Variants in CEP78 observed in about 807,000 individuals in gnomAD.
CEP78 encodes centrosomal protein 78, also known as centrosomal protein of 78 kDa.
Under a neutral mutation model 81.2 loss-of-function variants are expected in CEP78, and 76 were observed. The observed-to-expected ratio is 0.94, with a 90% CI of 0.78 to 1.13. CEP78 has a LOEUF of 1.13. Among genes scored for constraint, CEP78 ranks in the 50% most tolerant of loss-of-function variants. CEP78 has a pLI of 0.00. For synonymous variants in CEP78, 293 were observed against 301.4 expected, an observed-to-expected ratio of 0.97 and a Z score of 0.29; for missense variants, 918 against 846.8, an observed-to-expected ratio of 1.08 and a Z score of -1.04.
At chr9:78,269,815 A>T (rs1396899561) in intron 16 of CEP78, among the ~76,000 whole-genome samples, 1 of 152,210 alleles carries the variant, frequency 6.6e-6, no homozygotes, top group Admixed American at 6.5e-5. Context: ...AATTTTTTAG[A>T]CTAAGGACTT....
chr9:78,259,009 T>G (rs915242517), intron 11 of CEP78, among the ~76,000 whole-genome samples: 1 of 152,218 alleles, frequency 6.6e-6, no homozygotes, highest in Non-Finnish European at 1.5e-5. Flanking sequence ...TGAGGGTATA[T>G]GCACCAGAAA....
At position 78,240,506 on chromosome 9, in the gene CEP78, C is replaced by T; in HGVS notation, c.499+142C>T. 4.2e-6 allele frequency: 3 copies of T among 719,528 alleles called. No individual in the cohort carries two copies. In the South Asian group the frequency reaches 5.2e-5, roughly 12 times the overall value. 44.6% of individuals were successfully genotyped at this position (719,528 alleles called of 1,614,324 possible). ...AACCTTGGTCCAGTCTCAAGTCTAC[C>T]ATGAAAGCTTGGCATGCTGAATGTA... is the stretch of plus-strand genomic sequence containing the variant. On this transcript the variant is annotated intron_variant, in intron 3 of 16. Coordinates refer to ENST00000643273, the MANE Select transcript of CEP78 (RefSeq NM_001330691.3).
intron 11 of CEP78, among the ~76,000 whole-genome samples, chr9:78,259,563 T>G (rs985899283): frequency 3.9e-5 from 6 of 152,242 alleles, no homozygotes; most frequent in Non-Finnish European, 7.3e-5. Flanking sequence ...ACTTTCATTT[T>G]AAGCTCTTCT....
rs1229693199 is a variant in CEP78 at position 78,246,744 on chromosome 9, C to T, written c.854C>T (p.Thr285Ile). 1.9e-6 allele frequency: 3 copies of T among 1,609,758 alleles called. No homozygotes were observed. Among genetic ancestry groups the T allele is most frequent in the Admixed American group, 1.7e-5 (1 of 59,388 alleles). The change falls in exon 6 of 17, where the codon ACT becomes ATT. Residue 285 changes from threonine (T) to isoleucine (I), a missense_variant. By Grantham distance (89) the Thr-to-Ile change is moderately conservative. Transcript: ENST00000643273. The stretch of plus-strand genomic sequence containing the variant: ...CTAGAGGCCCTTGAAACCAATACAA[C>T]TCTGGTCGTTCTGGATATAAGAAAA... ...ALLEALETNTTLVVLDIRKNP... is the reference protein window; with the variant it reads ...ALLEALETNTILVVLDIRKNP...
At position 78,243,655 on chromosome 9, in the gene CEP78, T is replaced by G. The variant is rs1224209282; in HGVS notation, c.778+19T>G. 6.2e-7 allele frequency: 1 copy of G among 1,604,598 alleles called. No homozygotes were observed. Among genetic ancestry groups the G allele is most frequent in the African/African-American group, 1.3e-5 (1 of 74,606 alleles). On this transcript the variant is annotated intron_variant, in intron 5 of 16. Coordinates refer to ENST00000643273, the MANE Select transcript of CEP78 (RefSeq NM_001330691.3). ...CTGAGAGGTAAGTTAAATGAACTTGTAAGGTGGAAAATATTGAATTTTTTG... is the reference window on the plus strand; with the variant it reads ...CTGAGAGGTAAGTTAAATGAACTTGGAAGGTGGAAAATATTGAATTTTTTG...
At position 78,278,986 on chromosome 9, in the gene CEP78, T is replaced by G. The variant is rs1827855323; in HGVS notation, c.*8135T>G. On this transcript the variant is annotated 3_prime_UTR_variant, in exon 17 of 17. Coordinates refer to ENST00000643273, the MANE Select transcript of CEP78 (RefSeq NM_001330691.3). Reference sequence around the variant, plus strand: ...GCTGGCTGCTCACAAAGGCACATAGTGAGTGATAGGGGCTGAAAGGGCTCA... The same window carrying G: ...GCTGGCTGCTCACAAAGGCACATAGGGAGTGATAGGGGCTGAAAGGGCTCA... 6.6e-6 allele frequency: 1 copy of G among 150,426 alleles called. No homozygotes were observed. Among genetic ancestry groups the G allele is most frequent in the East Asian group, 1.9e-4 (1 of 5,142 alleles). The allele number at this position is 150,426 out of a possible 1,614,324, so 9.3% of individuals were successfully genotyped here.
rs1192379942 is a variant in CEP78 at position 78,240,205 on chromosome 9, G to C, written c.426+10G>C. 2.5e-6 allele frequency: 4 copies of C among 1,610,578 alleles called. No homozygotes were observed. In the Admixed American group the frequency reaches 6.7e-5, roughly 27 times the overall value. ...AACTATTCTAGCAAAGGTAAGCTTT[G>C]TCTCATTTGGCTTGTAGACATTTGA... On this transcript the variant is annotated intron_variant, in intron 2 of 16. Coordinates refer to ENST00000643273, the MANE Select transcript of CEP78 (RefSeq NM_001330691.3).
At chr9:78,270,644 A>G (rs894917506) in intron 16 of CEP78, among the ~76,000 whole-genome samples, 197 bp from the exon 17 acceptor site, 8 of 152,234 alleles carry the variant, frequency 5.3e-5, no homozygotes, top group African/African-American at 1.9e-4. Flanking sequence ...TTGCTTGCCC[A>G]TCCAGTTCTA....
chr9:78,246,741 C>T lies in CEP78; in HGVS notation c.851C>T (p.Thr284Ile), dbSNP rs377012729. The change falls in exon 6 of 17, where the codon ACA (threonine) becomes ATA (isoleucine). Residue 284 changes from threonine (T) to isoleucine (I), a missense_variant. Transcript: ENST00000643273. Reference sequence around the variant, plus strand: ...TTGCTAGAGGCCCTTGAAACCAATACAACTCTGGTCGTTCTGGATATAAGA... The same window carrying T: ...TTGCTAGAGGCCCTTGAAACCAATATAACTCTGGTCGTTCTGGATATAAGA... ...KALLEALETN[T>I]TLVVLDIRKN... 4 of 1,609,800 alleles carry T rather than the reference C, an allele frequency of 2.5e-6. No individual in the cohort carries two copies. The African/African-American group carries it at 5.4e-5, about 22-fold the overall frequency.
chr9:78,248,769 G>T lies in CEP78; in HGVS notation c.965G>T (p.Trp322Leu). 2.6e-6 allele frequency: 4 copies of T among 1,549,700 alleles called. No individual in the cohort carries two copies. The highest frequency in any genetic ancestry group is 2.3e-5 in the East Asian group (1 of 44,038). The change falls in exon 8 of 17, where the codon TGG (tryptophan) becomes TTG (leucine). Residue 322 changes from tryptophan to leucine, a missense_variant. By Grantham distance (61) the Trp-to-Leu change is moderately conservative. Transcript: ENST00000643273. ...TTATTCTGTCTCTTTTAGTACCAGT[G>T]GATAACTTCTCCATCAGTGAAGGAA... ...NGRSAKSEYQ[W>L]ITSPSVKEPS...
chr9:78,265,822 A>G (rs1318211804), intron 14 of CEP78, 37 bp from the exon 15 acceptor site: 3 of 1,065,876 alleles, frequency 2.8e-6, no homozygotes, highest in Non-Finnish European at 4.2e-6. Context: ...TCAATTTTCA[A>G]TTTTATAAAT....
intron 11 of CEP78, among the ~76,000 whole-genome samples, chr9:78,256,524 ATTTTTTTTTTTT>A (rs35059009): frequency 3.1e-4 from 24 of 76,670 alleles, no homozygotes; most frequent in Non-Finnish European, 3.2e-4. Flanking sequence ...CTGCTCCCTT[ATTTTTTTTTTTT>A]TTTTTTTTTT....
intron 4 of CEP78, 114 bp downstream of exon 4, chr9:78,241,913 T>C: frequency 1.8e-6 from 1 of 548,332 alleles, no homozygotes; most frequent in Non-Finnish European, 3.2e-6. Flanking sequence ...CATTGCAGTT[T>C]TAGTTTTGTT....
rs989453941 is a variant in CEP78 at position 78,278,927 on chromosome 9, CTT to C, written c.*8078_*8079del. 4 of 152,046 alleles carry C rather than the reference CTT, an allele frequency of 2.6e-5. No homozygotes were observed. Among genetic ancestry groups the C allele is most frequent in the Admixed American group, 6.5e-5 (1 of 15,270 alleles). The allele number at this position is 152,046 out of a possible 1,614,324, so 9.4% of individuals were successfully genotyped here. A position where few individuals can be genotyped will look rare whatever the true frequency, so the allele number is the denominator to read the frequency against. ...GTCAAAAAGTTAAAAAATAAGAAGA[CTT>C]TGCCCTGTGACTGAGGTGCTCAGAA... On this transcript the variant is annotated 3_prime_UTR_variant, in exon 17 of 17. Transcript: ENST00000643273.
rs781225406 is a variant in CEP78, at chr9:78,236,392, C to G, written c.42C>G (p.Asp14Glu). Residue 14 changes from aspartate (D) to glutamate (E), a missense_variant, in exon 1 of 17, where the codon GAC (aspartate) becomes GAG (glutamate). By Grantham distance (45) the Asp-to-Glu change is conservative. Transcript: ENST00000643273. ...AGCTGCGCCGCGACAGCGCGGCGGACTTCTTCTCCCACTACGAGTACCTGT... is the reference window on the plus strand; with the variant it reads ...AGCTGCGCCGCGACAGCGCGGCGGAGTTCTTCTCCCACTACGAGTACCTGT... ...SVKLRRDSAA[D>E]FFSHYEYLCA... is the part of the protein sequence containing the mutation. 1.9e-6 allele frequency: 3 copies of G among 1,593,084 alleles called. No homozygotes were observed. The South Asian group carries it at 3.4e-5, about 18-fold the overall frequency.
intron 6 of CEP78, 93 bp downstream of exon 6, chr9:78,246,875 C>G: frequency 1.6e-6 from 1 of 628,460 alleles, no homozygotes; most frequent in South Asian, 2.2e-5. Context: ...AATGTGTTTC[C>G]TTCCCTAATC....
In CEP78 at chr9:78,277,781, A is replaced by G. The variant is rs571606587; in HGVS notation, c.*6930A>G. 2.6e-5 allele frequency: 4 copies of G among 152,346 alleles called. No homozygotes were observed. Among genetic ancestry groups the G allele is most frequent in the Admixed American group, 2.6e-4 (4 of 15,302 alleles). 9.4% of individuals were successfully genotyped at this position (152,346 alleles called of 1,614,324 possible). A position where few individuals can be genotyped will look rare whatever the true frequency, so the allele number is the denominator to read the frequency against. On this transcript the variant is annotated 3_prime_UTR_variant, in exon 17 of 17. Coordinates refer to ENST00000643273, the MANE Select transcript of CEP78 (RefSeq NM_001330691.3). The stretch of plus-strand genomic sequence containing the variant: ...AAGAGTCAGATACAAGACTGTGTGA[A>G]GTGTTTTTTGAGATAATAAAAAACT...
intron 5 of CEP78, among the ~76,000 whole-genome samples, chr9:78,244,022 T>C (rs1264705121): frequency 6.6e-6 from 1 of 152,030 alleles, no homozygotes; most frequent in Non-Finnish European, 1.5e-5. Flanking sequence ...TATTGAGGCA[T>C]AATAGTTTAA....
chr9:78,261,689 C>G (rs1490995221), intron 11 of CEP78, among the ~76,000 whole-genome samples: 1 of 152,096 alleles, frequency 6.6e-6, no homozygotes, highest in Non-Finnish European at 1.5e-5. Flanking sequence ...TTTTATTCTT[C>G]TTTCTCCAAT....
Sources: gnomAD v4.1 joint callset for allele counts (sites outside exome capture counted in the v4.1 genomes callset) on GRCh38, gnomAD v4.1.1 for gene constraint, MANE v1.5 for transcripts, NCBI Gene and HGNC (gene_info 2026-07-23, HGNC 2026-07-21) for gene names.